Variants in LSAMP observed in about 807,000 individuals in gnomAD.
The protein encoded by LSAMP is limbic system-associated membrane protein.
A neutral mutation model predicts 38.6 loss-of-function variants in LSAMP; 7 were observed. That is an observed-to-expected ratio of 0.18 (90% CI 0.10 to 0.34). The LOEUF is 0.34. LSAMP is among the 10% of genes least tolerant of loss of function. LSAMP has a pLI of 1.00. For missense variants in LSAMP, 313 were observed against 420.0 expected, an observed-to-expected ratio of 0.75 and a Z score of 2.23; for synonymous variants, 154 against 166.8, an observed-to-expected ratio of 0.92 and a Z score of 0.59.
rs913636404 is a variant in LSAMP, at chr3:116,316,360, G to A, written c.155+128517C>T. ...GTTTTAGGAGTTATCATTCATCAAA[G>A]TACCCTCCATGTCTAGCAAAATATC... On this transcript the variant is annotated intron_variant, in intron 1 of 6. Coordinates refer to ENST00000490035, the MANE Select transcript of LSAMP (RefSeq NM_002338.5). 1.3e-4 allele frequency among the ~76,000 whole-genome samples: 20 copies of A among 152,138 alleles called. 1 individual carries two copies. Among genetic ancestry groups the A allele is most frequent in the Admixed American group, 1.3e-3 (20 of 15,270 alleles).
chr3:116,267,831 A>G (rs1044060008), intron 1 of LSAMP, among the ~76,000 whole-genome samples: 1 of 152,070 alleles, frequency 6.6e-6, no homozygotes, highest in Non-Finnish European at 1.5e-5. Context: ...GTGAGCGATG[A>G]GCCAAGCTAA....
At chr3:115,935,574 A>G (rs4240161) in intron 3 of LSAMP, among the ~76,000 whole-genome samples, 74,406 of 151,976 alleles carry the variant, frequency 0.49, 18,610 homozygotes, top group East Asian at 0.74. Context: ...CTCCTGGGAA[A>G]TGATTTAAAA....
intron 3 of LSAMP, among the ~76,000 whole-genome samples, chr3:115,864,454 C>T (rs1935801007): frequency 6.6e-6 from 1 of 152,172 alleles, no homozygotes; most frequent in East Asian, 1.9e-4. Flanking sequence ...CAGCATCATT[C>T]CCTAGAAATC....
intron 1 of LSAMP, among the ~76,000 whole-genome samples, chr3:116,268,585 T>C (rs2046925247): frequency 1.3e-5 from 2 of 152,100 alleles, no homozygotes; most frequent in African/African-American, 4.8e-5. Context: ...AACTATCACT[T>C]TTTGGTGAAC....
At chr3:116,289,096 T>C (rs571462544) in intron 1 of LSAMP, among the ~76,000 whole-genome samples, 77 of 152,262 alleles carry the variant, frequency 5.1e-4, no homozygotes, top group African/African-American at 1.7e-3. Context: ...TTTATAAAAT[T>C]TCATGAGAGA....
chr3:116,381,823 G>A (rs181975453), intron 1 of LSAMP, among the ~76,000 whole-genome samples: 4 of 152,022 alleles, frequency 2.6e-5, no homozygotes, highest in Non-Finnish European at 5.9e-5. Context: ...TAGGAGCATC[G>A]GCATGTGAAC....
intron 1 of LSAMP, among the ~76,000 whole-genome samples, chr3:116,087,183 A>T (rs1459498497): frequency 6.6e-6 from 1 of 152,206 alleles, no homozygotes; most frequent in Non-Finnish European, 1.5e-5. Flanking sequence ...CTGAAGGCAG[A>T]AGCTTGTTTG....
chr3:116,384,946 AC>A (rs112001706), intron 1 of LSAMP, among the ~76,000 whole-genome samples: 17,130 of 152,110 alleles, frequency 0.11, 1,379 homozygotes, highest in African/African-American at 0.23. Context: ...CGACTAGAAT[AC>A]GTGAAATGAA....
At chr3:116,340,752 G>C (rs2047981487) in intron 1 of LSAMP, among the ~76,000 whole-genome samples, 1 of 151,936 alleles carries the variant, frequency 6.6e-6, no homozygotes, top group Non-Finnish European at 1.5e-5. Flanking sequence ...CAGATCCAAG[G>C]CTCTATTAGA....
chr3:116,179,914 T>C (rs1403680083), intron 1 of LSAMP, among the ~76,000 whole-genome samples: 1 of 152,238 alleles, frequency 6.6e-6, no homozygotes, highest in Admixed American at 6.5e-5. Flanking sequence ...CTAGTCTTTT[T>C]AGTAGTTTTT....
intron 3 of LSAMP, among the ~76,000 whole-genome samples, chr3:115,873,593 ATAAT>A (rs1244155577): frequency 6.6e-5 from 10 of 152,248 alleles, no homozygotes; most frequent in South Asian, 2.1e-4. Flanking sequence ...GTTTTACAAA[ATAAT>A]TAATCCTGTA....
Position 116,153,792 on chromosome 3 carries a change from T to G in LSAMP, c.156-67236A>C, listed in dbSNP as rs992342544. Among the ~76,000 whole-genome samples, 110 of 152,122 alleles carry G rather than the reference T, an allele frequency of 7.2e-4. 2 individuals are homozygous for G. Among genetic ancestry groups the G allele is most frequent in the Admixed American group, 6.0e-3 (92 of 15,258 alleles). On this transcript the variant is annotated intron_variant, in intron 1 of 6. Transcript: ENST00000490035. Reference sequence around the variant, plus strand: ...ACTTAGCAACTACTCATTTATTGCCTTAGCAAATGAGATGTAATAGATTTG... The same window carrying G: ...ACTTAGCAACTACTCATTTATTGCCGTAGCAAATGAGATGTAATAGATTTG...
At chr3:115,903,620 G>T (rs1158269973) in intron 3 of LSAMP, among the ~76,000 whole-genome samples, 1 of 152,134 alleles carries the variant, frequency 6.6e-6, no homozygotes, top group African/African-American at 2.4e-5. Context: ...TGTTCATTTG[G>T]ATACATTAGC....
intron 1 of LSAMP, among the ~76,000 whole-genome samples, chr3:116,307,083 C>A (rs1017253451): frequency 6.6e-6 from 1 of 151,964 alleles, no homozygotes; most frequent in Non-Finnish European, 1.5e-5. Flanking sequence ...GATATATAAT[C>A]GGTATGGGTG....
chr3:116,175,240 T>G (rs147582350), intron 1 of LSAMP, among the ~76,000 whole-genome samples: 1 of 152,110 alleles, frequency 6.6e-6, no homozygotes, highest in Non-Finnish European at 1.5e-5. Context: ...TTTTCTTTCT[T>G]TGGGAAATAA....
intron 1 of LSAMP, among the ~76,000 whole-genome samples, chr3:116,193,295 A>G (rs962639251): frequency 8.5e-5 from 13 of 152,308 alleles, no homozygotes; most frequent in Middle Eastern, 3.4e-3. Context: ...CTCTGGTGTT[A>G]GGGAAACTGG....
At chr3:116,280,365 CT>C (rs2047112770) in intron 1 of LSAMP, among the ~76,000 whole-genome samples, 1 of 152,200 alleles carries the variant, frequency 6.6e-6, no homozygotes, top group Non-Finnish European at 1.5e-5. Context: ...ACTCAACTTC[CT>C]GAGCCTTAGT....
chr3:116,418,648 C>T (rs1559861331), intron 1 of LSAMP, among the ~76,000 whole-genome samples: 1 of 152,162 alleles, frequency 6.6e-6, no homozygotes, highest in Non-Finnish European at 1.5e-5. Context: ...TATCAATGTG[C>T]ATTAACAAAT....
intron 6 of LSAMP, among the ~76,000 whole-genome samples, chr3:115,819,474 G>C (rs1043404449): frequency 6.6e-6 from 1 of 151,908 alleles, no homozygotes; most frequent in South Asian, 2.1e-4. Flanking sequence ...GGCATATTTT[G>C]ATCAGGGAAA....
Sources: gnomAD v4.1 joint callset for allele counts (sites outside exome capture counted in the v4.1 genomes callset) on GRCh38, gnomAD v4.1.1 for gene constraint, MANE v1.5 for transcripts, NCBI Gene and HGNC (gene_info 2026-07-23, HGNC 2026-07-21) for gene names.